GPC5: variants seen among roughly 807,000 people sequenced by gnomAD.
GPC5 encodes glypican-5.
GPC5 carries 47 observed loss-of-function variants against 53.9 expected under a neutral mutation model. That is an observed-to-expected ratio of 0.87 (90% CI 0.69 to 1.11). The LOEUF is 1.11. Ranked by LOEUF, GPC5 falls within the 50% of genes most tolerant of loss-of-function variation. GPC5 has a pLI of 0.00. For missense variants in GPC5, 748 were observed against 713.1 expected, an observed-to-expected ratio of 1.05 and a Z score of -0.56; for synonymous variants, 286 against 263.3, an observed-to-expected ratio of 1.09 and a Z score of -0.84.
intron 5 of GPC5, among the ~76,000 whole-genome samples, chr13:91,862,222 CAAATT>C (rs1366972039): frequency 6.6e-6 from 1 of 152,106 alleles, no homozygotes; most frequent in East Asian, 1.9e-4. Context: ...TTGCTGGTGA[CAAATT>C]AACCCATTTA....
chr13:92,556,441 T>G (rs938820225), intron 7 of GPC5, among the ~76,000 whole-genome samples: 11 of 151,800 alleles, frequency 7.2e-5, no homozygotes, highest in Non-Finnish European at 4.4e-5. Context: ...TTTTCTCTTT[T>G]TTAAAGTGTT....
chr13:92,071,493 G>A (rs1440332458), intron 6 of GPC5, among the ~76,000 whole-genome samples: 1 of 151,994 alleles, frequency 6.6e-6, no homozygotes, highest in Non-Finnish European at 1.5e-5. Flanking sequence ...ACTTCATTTT[G>A]TTCCAAATAG....
At chr13:91,497,900 G>A (rs1721095059) in intron 2 of GPC5, among the ~76,000 whole-genome samples, 2 of 152,118 alleles carry the variant, frequency 1.3e-5, no homozygotes, top group Non-Finnish European at 2.9e-5. Flanking sequence ...ATCATGGAAA[G>A]TGGGGTATCC....
chr13:91,546,363 A>G (rs1434673698), intron 2 of GPC5, among the ~76,000 whole-genome samples: 3 of 152,134 alleles, frequency 2.0e-5, no homozygotes, highest in African/African-American at 4.8e-5. Flanking sequence ...CTGGATTAAA[A>G]TTAACATTAG....
At chr13:91,984,173 T>A (rs1183618504) in intron 6 of GPC5, among the ~76,000 whole-genome samples, 1 of 152,210 alleles carries the variant, frequency 6.6e-6, no homozygotes, top group Non-Finnish European at 1.5e-5. Context: ...CAATTATTAT[T>A]GAGAAGTGAT....
intron 5 of GPC5, among the ~76,000 whole-genome samples, chr13:91,809,661 T>G (rs537938961): frequency 6.6e-6 from 1 of 152,196 alleles, no homozygotes; most frequent in South Asian, 2.1e-4. Flanking sequence ...AATAATTGAA[T>G]TCATTTCCCA....
chr13:91,800,984 T>C (rs1459543088), intron 5 of GPC5, among the ~76,000 whole-genome samples: 1 of 152,206 alleles, frequency 6.6e-6, no homozygotes, highest in African/African-American at 2.4e-5. Context: ...TATATTGTTA[T>C]ATATTTATTA....
intron 1 of GPC5, among the ~76,000 whole-genome samples, chr13:91,429,773 A>C (rs1231589409): frequency 6.6e-6 from 1 of 152,216 alleles, no homozygotes; most frequent in Non-Finnish European, 1.5e-5. Flanking sequence ...AAGATACCCA[A>C]GACATCCTGA....
chr13:91,786,197 A>G (rs1176162231), intron 5 of GPC5, among the ~76,000 whole-genome samples: 3 of 151,974 alleles, frequency 2.0e-5, no homozygotes, highest in Non-Finnish European at 4.4e-5. Context: ...GGGTTTCACC[A>G]TGTTGGTCAC....
intron 7 of GPC5, among the ~76,000 whole-genome samples, chr13:92,846,828 A>G (rs553365373): frequency 3.3e-5 from 5 of 152,336 alleles, no homozygotes; most frequent in Admixed American, 2.0e-4. Context: ...AACTATGTGG[A>G]TATTTTGAAA....
chr13:91,613,606 T>A (rs1196073134), intron 2 of GPC5, among the ~76,000 whole-genome samples: 1 of 152,160 alleles, frequency 6.6e-6, no homozygotes, highest in Non-Finnish European at 1.5e-5. Context: ...AAATTGAAGA[T>A]TTTTGGAAAT....
intron 7 of GPC5, among the ~76,000 whole-genome samples, chr13:92,586,964 G>GCA (rs1469073952): frequency 1.8e-3 from 156 of 87,882 alleles, no homozygotes; most frequent in African/African-American, 6.2e-3. Context: ...ACACACACAC[G>GCA]CGCACACACA....
chr13:92,841,028 A>T (rs1594542635), intron 7 of GPC5, among the ~76,000 whole-genome samples: 2 of 152,216 alleles, frequency 1.3e-5, no homozygotes, highest in Non-Finnish European at 1.5e-5. Context: ...GGCTTTCTAC[A>T]TATAAGGTCA....
rs577551059 is a variant in GPC5, at chr13:92,284,203, C to T, written c.1561+139214C>T. Among the ~76,000 whole-genome samples, 9 of 152,140 alleles carry T rather than the reference C, an allele frequency of 5.9e-5. No individual in the cohort carries two copies. The East Asian group carries it at 1.5e-3, about 26-fold the overall frequency. Reference sequence around the variant, plus strand: ...GACTAAACCAGGAAGAAGTTGAATCCCTGAATAGACCAATAACAGGCTCTG... The same window carrying T: ...GACTAAACCAGGAAGAAGTTGAATCTCTGAATAGACCAATAACAGGCTCTG... On this transcript the variant is annotated intron_variant, in intron 7 of 7. Coordinates refer to ENST00000377067, the MANE Select transcript of GPC5 (RefSeq NM_004466.6).
chr13:92,721,461 A>G (rs1360525008), intron 7 of GPC5: 1 of 152,092 alleles, frequency 6.6e-6, no homozygotes, highest in Non-Finnish European at 1.5e-5. Context: ...CATGATCATT[A>G]TTGCAGGCTA....
rs1323332124 is a variant in GPC5, at chr13:91,635,573, T to C, written c.326-57614T>C. On this transcript the variant is annotated intron_variant, in intron 2 of 7. Coordinates refer to ENST00000377067, the MANE Select transcript of GPC5 (RefSeq NM_004466.6). ...CTAGCAATTAAAATACTAATGAATA[T>C]TTTGCTTCAATGTCTTTATTATTAT... Among the ~76,000 whole-genome samples, 3 of 152,214 alleles carry C rather than the reference T, an allele frequency of 2.0e-5. No individual in the cohort carries two copies. In the East Asian group the frequency reaches 5.8e-4, roughly 29 times the overall value.
intron 2 of GPC5, among the ~76,000 whole-genome samples, chr13:91,488,764 G>C (rs1183468460): frequency 6.6e-6 from 1 of 152,200 alleles, no homozygotes; most frequent in East Asian, 1.9e-4. Context: ...TATGTTCAGG[G>C]AACAAGAGAG....
chr13:91,543,703 T>C (rs981865772), intron 2 of GPC5, among the ~76,000 whole-genome samples: 9 of 152,230 alleles, frequency 5.9e-5, no homozygotes, highest in Admixed American at 2.6e-4. Flanking sequence ...GAAATGAAGG[T>C]CTGAAAATGT....
intron 7 of GPC5, among the ~76,000 whole-genome samples, chr13:92,175,594 C>A (rs201618116): frequency 1.3e-4 from 20 of 152,162 alleles, no homozygotes; most frequent in African/African-American, 4.8e-4. Flanking sequence ...ACTCTTGGTA[C>A]AGAGGCCACT....
Sources: allele counts gnomAD v4.1 joint callset (sites outside exome capture counted in the v4.1 genomes callset), GRCh38; gene constraint gnomAD v4.1.1; transcripts MANE v1.5; gene names NCBI Gene and HGNC (gene_info 2026-07-23, HGNC 2026-07-21).